ATP6V1C1: variants seen among roughly 807,000 people sequenced by gnomAD.
ATP6V1C1 encodes the protein V-type proton ATPase subunit C 1.
ATP6V1C1 carries 45 observed loss-of-function variants against 53.9 expected under a neutral mutation model. The ratio of observed to expected loss-of-function variants is 0.83; its 90% confidence interval spans 0.66 to 1.07. The LOEUF (loss-of-function observed/expected upper bound fraction) is 1.07, where lower values mean the gene tolerates loss of function less well. ATP6V1C1 is among the 50% of genes least tolerant of loss of function. ATP6V1C1 has a pLI of 0.00. For synonymous variants in ATP6V1C1, 153 were observed against 155.2 expected, an observed-to-expected ratio of 0.99 and a Z score of 0.11; for missense variants, 315 against 440.3, an observed-to-expected ratio of 0.72 and a Z score of 2.55.
At position 103,058,983 on chromosome 8, in the gene ATP6V1C1, A is replaced by AATTTT. The variant is rs1554601054; in HGVS notation, c.641+3047_641+3048insATTTT. ...GTCCTTTCAGAATTACCACTTTCCTATTTTTTTTTTTTTTGTCTGCTTTTG... is the reference window on the plus strand; with the variant it reads ...GTCCTTTCAGAATTACCACTTTCCTAATTTTTTTTTTTTTTTTTTGTCTGCTTTTG... On this transcript the variant is annotated intron_variant, in intron 8 of 12. Transcript: ENST00000518738. Among the ~76,000 whole-genome samples the AATTTT allele has an allele frequency of 3.9e-3, 539 of 137,542 alleles. 3 individuals carry two copies. The highest frequency in any genetic ancestry group is 0.013 in the African/African-American group (508 of 37,916). The allele number at this position is 137,542 out of a possible 152,430, so 90.2% of individuals were successfully genotyped here.
chr8:103,024,248 G>A (rs1343084549), intron 1 of ATP6V1C1, among the ~76,000 whole-genome samples: 1 of 152,174 alleles, frequency 6.6e-6, no homozygotes, highest in Admixed American at 6.5e-5. Context: ...ACTAAATGCT[G>A]AGAGCTAGAT....
chr8:103,068,749 A>T lies in ATP6V1C1; in HGVS notation c.*2A>T. ...TGCAACTTGCTGGAATTCAAGTGAA[A>T]ATGGGCTCCTCCCCCGACAATCCTG... On this transcript the variant is annotated 3_prime_UTR_variant, in exon 13 of 13. Transcript: ENST00000518738. 3 of 1,607,466 alleles carry T rather than the reference A, an allele frequency of 1.9e-6. No homozygotes were observed. Among genetic ancestry groups the T allele is most frequent in the Non-Finnish European group, 2.6e-6 (3 of 1,176,100 alleles).
intron 8 of ATP6V1C1, among the ~76,000 whole-genome samples, chr8:103,061,679 A>T (rs1817400603): frequency 6.6e-6 from 1 of 152,220 alleles, no homozygotes; most frequent in Non-Finnish European, 1.5e-5. Context: ...TAGACATTAA[A>T]TGCGTACAGT....
chr8:103,026,813 CA>C (rs1234298189), intron 1 of ATP6V1C1, among the ~76,000 whole-genome samples: 1 of 151,294 alleles, frequency 6.6e-6, no homozygotes, highest in African/African-American at 2.4e-5. Context: ...ACTCCGTCTC[CA>C]AAAAAAATAA....
intron 12 of ATP6V1C1, among the ~76,000 whole-genome samples, chr8:103,067,396 CAAA>C (rs751801442): frequency 1.4e-5 from 1 of 71,944 alleles, no homozygotes; most frequent in Non-Finnish European, 2.9e-5. Flanking sequence ...GACTCCGTCC[CAAA>C]AAAAAAAAAA....
chr8:103,064,032 C>A (rs1817447404), intron 10 of ATP6V1C1, among the ~76,000 whole-genome samples: 1 of 152,130 alleles, frequency 6.6e-6, no homozygotes, highest in Non-Finnish European at 1.5e-5. Context: ...ACTTGTTTTG[C>A]TATCCTTTTG....
rs1586327607 is a variant in ATP6V1C1 at position 103,062,406 on chromosome 8, A to G, written c.642-549A>G. Reference sequence around the variant, plus strand: ...GGCTGGTCTCAAAGTCCTGAACTCAAGCAATCACCCACCTCAGCCTGCCAA... The same window carrying G: ...GGCTGGTCTCAAAGTCCTGAACTCAGGCAATCACCCACCTCAGCCTGCCAA... On this transcript the variant is annotated intron_variant, in intron 8 of 12. Coordinates refer to ENST00000518738, the MANE Select transcript of ATP6V1C1 (RefSeq NM_001695.5). Among the ~76,000 whole-genome samples, 3 of 152,080 alleles carry G rather than the reference A, an allele frequency of 2.0e-5. No homozygotes were observed. The East Asian group carries it at 5.8e-4, about 29-fold the overall frequency.
chr8:103,025,214 A>G (rs924817996), intron 1 of ATP6V1C1, among the ~76,000 whole-genome samples: 6 of 152,260 alleles, frequency 3.9e-5, no homozygotes, highest in Non-Finnish European at 7.3e-5. Context: ...TAACTTTACC[A>G]TGAAAGGTTT....
In ATP6V1C1 at chr8:103,066,340, T is replaced by C. The variant is rs1817489885; in HGVS notation, c.946T>C (p.Phe316Leu). Residue 316 changes from phenylalanine to leucine, a missense_variant, in exon 12 of 13, where the codon TTC becomes CTC. Physicochemically the swap from Phe to Leu is conservative, Grantham distance 22 (BLOSUM62 0). Transcript: ENST00000518738. ...TGTAAGGTATGGCTTGCCAGTGAAC[T>C]TCCAAGCAATGCTACTTCAGCCCAA... ...SVLRYGLPVN[F>L]QAMLLQPNKK... 1 of 1,611,518 alleles carries C rather than the reference T, an allele frequency of 6.2e-7. No homozygotes were observed. Among genetic ancestry groups the C allele is most frequent in the Non-Finnish European group, 8.5e-7 (1 of 1,179,328 alleles).
At chr8:103,026,583 C>T (rs1350167207) in intron 1 of ATP6V1C1, among the ~76,000 whole-genome samples, 2 of 152,082 alleles carry the variant, frequency 1.3e-5, no homozygotes, top group East Asian at 1.9e-4. Flanking sequence ...AGGCAAAGGG[C>T]GGGCGGATCA....
At chr8:103,032,984 T>G (rs1347975697) in intron 1 of ATP6V1C1, among the ~76,000 whole-genome samples, 4 of 152,232 alleles carry the variant, frequency 2.6e-5, no homozygotes, top group Non-Finnish European at 5.9e-5. Flanking sequence ...AGTAGATGTA[T>G]GTGGTAGAAT....
intron 1 of ATP6V1C1, among the ~76,000 whole-genome samples, chr8:103,022,100 C>A (rs1341844643): frequency 2.0e-5 from 3 of 149,390 alleles, no homozygotes; most frequent in Non-Finnish European, 4.4e-5. Flanking sequence ...TGTATACTTA[C>A]CAAAAAGAGA....
intron 12 of ATP6V1C1, among the ~76,000 whole-genome samples, chr8:103,068,229 G>A (rs1196939028): frequency 6.6e-6 from 1 of 152,186 alleles, no homozygotes; most frequent in African/African-American, 2.4e-5. Context: ...CAAGGCCTTG[G>A]CCTCTCAAAG....
intron 8 of ATP6V1C1, among the ~76,000 whole-genome samples, chr8:103,058,232 C>G (rs936719377): frequency 6.6e-6 from 1 of 152,218 alleles, no homozygotes; most frequent in African/African-American, 2.4e-5. Context: ...GACTTGTTTG[C>G]AAGTGACTTG....
chr8:103,041,083 G>C (rs1816992321), intron 2 of ATP6V1C1, 115 bp downstream of exon 2: 1 of 1,200,630 alleles, frequency 8.3e-7, no homozygotes, highest in East Asian at 2.6e-5. Flanking sequence ...CTCCTCTCCA[G>C]CCATTGGCAT....
Position 103,040,784 on chromosome 8 carries a change from G to T in ATP6V1C1, c.-39-14G>T. On this transcript the variant is annotated splice_polypyrimidine_tract_variant and intron_variant, in intron 1 of 12. Coordinates refer to ENST00000518738, the MANE Select transcript of ATP6V1C1 (RefSeq NM_001695.5). Reference sequence around the variant, plus strand: ...ATTTTAAATGTGATTTTTTTTATTTGTTTTACATTTCAGAATCTCTCTTGA... The same window carrying T: ...ATTTTAAATGTGATTTTTTTTATTTTTTTTACATTTCAGAATCTCTCTTGA... 1.1e-5 allele frequency: 17 copies of T among 1,568,134 alleles called. No individual in the cohort carries two copies. The Admixed American group carries it at 1.2e-4, about 11-fold the overall frequency.
At chr8:103,066,279 T>C in intron 11 of ATP6V1C1, 42 bp from the exon 12 acceptor site, 1 of 1,570,326 alleles carries the variant, frequency 6.4e-7, no homozygotes, top group Admixed American at 2.1e-5. Flanking sequence ...TCTCTTTACA[T>C]GTTTGCTTGT....
intron 7 of ATP6V1C1, among the ~76,000 whole-genome samples, chr8:103,055,607 T>C (rs1031711838): frequency 2.0e-5 from 3 of 152,192 alleles, no homozygotes; most frequent in Non-Finnish European, 2.9e-5. Flanking sequence ...TGTGCTTTAC[T>C]TCCTTTCCGA....
At chr8:103,024,199 G>A (rs749817488) in intron 1 of ATP6V1C1, among the ~76,000 whole-genome samples, 17 of 151,972 alleles carry the variant, frequency 1.1e-4, no homozygotes, top group South Asian at 2.1e-4. Context: ...TACCTTGTAG[G>A]GACTAGATAA....
Sources: allele counts gnomAD v4.1 joint callset (sites outside exome capture counted in the v4.1 genomes callset), GRCh38; gene constraint gnomAD v4.1.1; transcripts MANE v1.5; gene names NCBI Gene and HGNC (gene_info 2026-07-23, HGNC 2026-07-21).